The following RBFOX3 variants were observed in gnomAD, a reference collection of about 807,000 sequenced individuals.
RBFOX3 encodes RNA binding protein fox-1 homolog 3.
RBFOX3 carries 17 observed loss-of-function variants against 48.7 expected under a neutral mutation model. That is an observed-to-expected ratio of 0.35 (90% confidence interval 0.24 to 0.52). The LOEUF (loss-of-function observed/expected upper bound fraction) is 0.52. Among genes scored for constraint, RBFOX3 ranks in the 20% least tolerant of loss-of-function variants. RBFOX3 has a pLI of 0.94. For missense variants in RBFOX3, 382 were observed against 497.5 expected (o/e 0.77, Z 2.21); for synonymous variants, 212 against 209.5 (o/e 1.01, Z -0.10).
rs1018900081 is a variant in RBFOX3, at chr17:79,214,211, C to T, written c.-34+21555G>A. Among the ~76,000 whole-genome samples the T allele has an allele frequency of 1.5e-4, 23 of 152,170 alleles. No homozygotes were observed. The highest frequency in any genetic ancestry group is 2.2e-4 in the African/African-American group (9 of 41,428). ...GTGGGTATTAGGACCCTGATAAAGT[C>T]GGCCTCTCCAGCAACGCACGGAGCT... On this transcript the variant is annotated intron_variant, in intron 4 of 14. Transcript: ENST00000693108. The surrounding 1 kb of genome is among the most constrained non-coding windows in gnomAD (Gnocchi z 4.7).
intron 4 of RBFOX3, among the ~76,000 whole-genome samples, chr17:79,180,106 G>A (rs1008650248): frequency 1.3e-5 from 2 of 152,134 alleles, no homozygotes; most frequent in Non-Finnish European, 1.5e-5. Flanking sequence ...CGGGATGGTC[G>A]GAACTCAGAA....
intron 9 of RBFOX3, chr17:79,100,510 T>C (rs2076221613): frequency 6.6e-6 from 1 of 151,932 alleles, no homozygotes; most frequent in South Asian, 2.1e-4. Flanking sequence ...GGAGAAGAGC[T>C]CGGGGGAGAG....
intron 1 of RBFOX3, among the ~76,000 whole-genome samples, chr17:79,588,804 C>T (rs71187396): frequency 0.018 from 2,648 of 151,110 alleles, 29 homozygotes; most frequent in Non-Finnish European, 0.027. Flanking sequence ...AGTGAGACCC[C>T]ATCCTGAACT....
chr17:79,521,177 C>A lies in RBFOX3; in HGVS notation c.-319-38579G>T, dbSNP rs1026410555. On this transcript the variant is annotated intron_variant, in intron 1 of 14. Transcript: ENST00000693108. ...GACCACAGCAATGCACCAGTACATA[C>A]AGGCATGCACAGACACACACAGATA... Among the ~76,000 whole-genome samples the A allele has an allele frequency of 6.6e-5, 10 of 152,134 alleles. 1 individual carries two copies. Among genetic ancestry groups the A allele is most frequent in the South Asian group, 2.1e-4 (1 of 4,830 alleles).
chr17:79,196,639 T>C (rs1232420848), intron 4 of RBFOX3, among the ~76,000 whole-genome samples: 1 of 152,166 alleles, frequency 6.6e-6, no homozygotes, highest in Non-Finnish European at 1.5e-5. Flanking sequence ...TGAAATTTCC[T>C]CTCTTCACCC....
chr17:79,179,326 G>A (rs1230915436), intron 4 of RBFOX3, among the ~76,000 whole-genome samples: 1 of 152,216 alleles, frequency 6.6e-6, no homozygotes, highest in African/African-American at 2.4e-5. Flanking sequence ...ACTCCAAGAA[G>A]CAATTGCTGG....
At chr17:79,388,071 T>G (rs36023425) in intron 2 of RBFOX3, among the ~76,000 whole-genome samples, 1 of 151,534 alleles carries the variant, frequency 6.6e-6, no homozygotes, top group African/African-American at 2.4e-5. Flanking sequence ...GTGCAGTGTG[T>G]GTGCCTACGT....
chr17:79,451,999 C>G (rs1206101041), intron 2 of RBFOX3, among the ~76,000 whole-genome samples: 1 of 152,176 alleles, frequency 6.6e-6, no homozygotes, highest in African/African-American at 2.4e-5. Context: ...CTTTTGAGTC[C>G]TAGAGAGCCC....
intron 2 of RBFOX3, among the ~76,000 whole-genome samples, chr17:79,376,407 C>A (rs978437489): frequency 6.6e-6 from 1 of 152,124 alleles, no homozygotes; most frequent in Non-Finnish European, 1.5e-5. Context: ...GCCGGCCAGG[C>A]ACCCGCAGGA....
chr17:79,574,611 C>T (rs941678282), intron 1 of RBFOX3, among the ~76,000 whole-genome samples: 31 of 152,192 alleles, frequency 2.0e-4, no homozygotes, highest in African/African-American at 7.5e-4. Flanking sequence ...AATAATCCAC[C>T]CCTTGTTTAG....
At chr17:79,470,453 T>C (rs2076924018) in intron 2 of RBFOX3, among the ~76,000 whole-genome samples, 1 of 152,080 alleles carries the variant, frequency 6.6e-6, no homozygotes, top group Non-Finnish European at 1.5e-5. Context: ...TGTCGCCACA[T>C]TATAAGCAGA....
At chr17:79,160,490 T>C (rs1236176189) in intron 4 of RBFOX3, among the ~76,000 whole-genome samples, 3 of 152,142 alleles carry the variant, frequency 2.0e-5, no homozygotes, top group Admixed American at 6.5e-5. Context: ...TGTGGGGCGG[T>C]CACAAGCCTG....
intron 4 of RBFOX3, among the ~76,000 whole-genome samples, chr17:79,232,886 G>A (rs1384828805): frequency 1.3e-5 from 2 of 152,192 alleles, no homozygotes; most frequent in Non-Finnish European, 2.9e-5. Context: ...GGAGGCTGAA[G>A]AACTGCAATT....
intron 2 of RBFOX3, among the ~76,000 whole-genome samples, chr17:79,395,368 G>T (rs144383288): frequency 1.3e-5 from 2 of 152,208 alleles, no homozygotes; most frequent in Non-Finnish European, 2.9e-5. Context: ...GCTCAGTGCC[G>T]GGAGGAACCA....
chr17:79,649,043 A>G, the RBFOX3 span, among the ~76,000 whole-genome samples: 1 of 150,590 alleles, frequency 6.6e-6, no homozygotes, highest in Non-Finnish European at 1.5e-5. Flanking sequence ...CAGAGCTACA[A>G]TTGCAGCTCA....
the RBFOX3 span, among the ~76,000 whole-genome samples, chr17:79,637,463 G>C: frequency 6.6e-6 from 1 of 152,100 alleles, no homozygotes; most frequent in African/African-American, 2.4e-5. Flanking sequence ...GGAGGCTGAG[G>C]GGGGTGGATC....
At chr17:79,553,884 C>G (rs1281818718) in intron 1 of RBFOX3, among the ~76,000 whole-genome samples, 1 of 152,110 alleles carries the variant, frequency 6.6e-6, no homozygotes, top group African/African-American at 2.4e-5. Flanking sequence ...AGGCACCCAC[C>G]ACCACATCCT....
rs1439972408 is a variant in RBFOX3, at chr17:79,362,812, G to T, written c.-174-54988C>A. 6.6e-6 allele frequency among the ~76,000 whole-genome samples: 1 copy of T among 152,176 alleles called. No homozygotes were observed. Among genetic ancestry groups the T allele is most frequent in the East Asian group, 1.9e-4 (1 of 5,186 alleles). On this transcript the variant is annotated intron_variant, in intron 2 of 14. Coordinates refer to ENST00000693108, the MANE Select transcript of RBFOX3 (RefSeq NM_001350451.2). The surrounding 1 kb of genome is among the most constrained non-coding windows in gnomAD (Gnocchi z 4.2). Reference sequence around the variant, plus strand: ...AATTTGTTGCCACAGCTATGAGAGAGGGGTAAAGCGGGAACATCAGACAAC... The same window carrying T: ...AATTTGTTGCCACAGCTATGAGAGATGGGTAAAGCGGGAACATCAGACAAC...
In RBFOX3 at chr17:79,254,847, T is replaced by G. The variant is rs2064518785; in HGVS notation, c.-73-19042A>C. On this transcript the variant is annotated intron_variant, in intron 3 of 14. Transcript: ENST00000693108. This position sits in a 1 kb window ranked among gnomAD's most constrained non-coding sequence, Gnocchi z 4.8. ...ATGGCCCAGGTTATGGCCACTTGGC[T>G]ATCACCATGGGCTGGACTCTCTAAG... Among the ~76,000 whole-genome samples, 1 of 152,150 alleles carries G rather than the reference T, an allele frequency of 6.6e-6. No individual in the cohort carries two copies. Among genetic ancestry groups the G allele is most frequent in the Admixed American group, 6.5e-5 (1 of 15,280 alleles).
Sources: allele counts gnomAD v4.1 joint callset (sites outside exome capture counted in the v4.1 genomes callset), GRCh38; gene constraint gnomAD v4.1.1; non-coding constraint Gnocchi (gnomAD v3.1); transcripts MANE v1.5; gene names NCBI Gene and HGNC (gene_info 2026-07-23, HGNC 2026-07-21).